ANKRD22: variants seen among roughly 807,000 people sequenced by gnomAD.
ANKRD22 encodes the protein ankyrin repeat domain-containing protein 22.
ANKRD22 carries 24 observed loss-of-function variants against 25.7 expected under a neutral mutation model. That is an observed-to-expected ratio of 0.93 (90% confidence interval 0.68 to 1.31). ANKRD22 has a LOEUF of 1.31. Ranked by LOEUF, ANKRD22 falls within the 50% of genes most tolerant of loss-of-function variation. The pLI is 0.00. For missense variants in ANKRD22, 214 were observed against 227.1 expected (o/e 0.94, Z 0.37); for synonymous variants, 84 against 84.3 (o/e 1.00, Z 0.02).
intron 1 of ANKRD22, among the ~76,000 whole-genome samples, chr10:88,834,746 C>A (rs994029868): frequency 3.3e-5 from 5 of 151,992 alleles, no homozygotes; most frequent in Non-Finnish European, 7.4e-5. Context: ...ATCAGCCTGG[C>A]CAACATGGAG....
intron 1 of ANKRD22, among the ~76,000 whole-genome samples, chr10:88,833,449 A>G (rs185014199): frequency 6.6e-6 from 1 of 152,320 alleles, no homozygotes; most frequent in Non-Finnish European, 1.5e-5. Context: ...GGGAAATAGG[A>G]CAGAGACACA....
At chr10:88,847,158 GT>G (rs761388331) in intron 1 of ANKRD22, among the ~76,000 whole-genome samples, 2 of 152,008 alleles carry the variant, frequency 1.3e-5, no homozygotes, top group East Asian at 1.9e-4. Flanking sequence ...TTTGTGGAAT[GT>G]TTTTTTACAT....
chr10:88,846,926 CA>C (rs1844054405), intron 1 of ANKRD22, among the ~76,000 whole-genome samples: 1 of 152,130 alleles, frequency 6.6e-6, no homozygotes, highest in Non-Finnish European at 1.5e-5. Context: ...GCTTTCTGAT[CA>C]GCAGATGTTT....
chr10:88,842,995 G>C (rs745405790), intron 1 of ANKRD22, among the ~76,000 whole-genome samples: 1 of 151,794 alleles, frequency 6.6e-6, no homozygotes, highest in Non-Finnish European at 1.5e-5. Flanking sequence ...TTTCCTCTCT[G>C]GTCCTTCATT....
At position 88,826,040 on chromosome 10, in the gene ANKRD22, A is replaced by G. The variant is rs753945962; in HGVS notation, c.397T>C (p.Cys133Arg). ...AATGGCTAAAAGTATAAACTTACAC[A>G]ATCTGTAGCATTAACTTCGACGCCA... is the stretch of plus-strand genomic sequence containing the variant. Reference protein sequence around the residue: ...DAGVEVNATDCYGCTALHYAC... With the variant: ...DAGVEVNATDRYGCTALHYAC... The change falls in exon 4 of 6, where the codon TGT becomes CGT. Residue 133 changes from cysteine to arginine, a missense_variant and splice_region_variant. By Grantham distance (180) the Cys-to-Arg change is radical. Coordinates refer to ENST00000371930, the MANE Select transcript of ANKRD22 (RefSeq NM_144590.3). The G allele has an allele frequency of 1.3e-5, 21 of 1,609,028 alleles. No homozygotes were observed. The South Asian group carries it at 2.2e-4, about 17-fold the overall frequency.
intron 1 of ANKRD22, among the ~76,000 whole-genome samples, chr10:88,840,378 T>C (rs1298804229): frequency 1.3e-5 from 2 of 152,210 alleles, no homozygotes; most frequent in Non-Finnish European, 2.9e-5. Flanking sequence ...GAAAAAATAT[T>C]TGTTGTTATT....
intron 2 of ANKRD22, among the ~76,000 whole-genome samples, chr10:88,831,594 C>G (rs1843904060): frequency 6.6e-6 from 1 of 152,062 alleles, no homozygotes; most frequent in Non-Finnish European, 1.5e-5. Flanking sequence ...AATAAGTGAA[C>G]CAGAGGTAAA....
At chr10:88,833,430 T>C (rs1843925297) in intron 1 of ANKRD22, among the ~76,000 whole-genome samples, 1 of 152,148 alleles carries the variant, frequency 6.6e-6, no homozygotes, top group Non-Finnish European at 1.5e-5. Context: ...AAAATGTATC[T>C]GTCAAGTGGG....
Position 88,823,644 on chromosome 10 carries a change from G to T in ANKRD22, c.400-266C>A, listed in dbSNP as rs562733046. ...GGATCGAGACCGTCCTGGCTAACAC[G>T]GTGAAACCCTGTCTCTACTAAAAGA... is the stretch of plus-strand genomic sequence containing the variant. On this transcript the variant is annotated intron_variant, in intron 4 of 5. Transcript: ENST00000371930. 5 of 316,696 alleles carry T rather than the reference G, an allele frequency of 1.6e-5. No individual in the cohort carries two copies. The Admixed American group carries it at 2.3e-4, about 14-fold the overall frequency. 19.6% of individuals were successfully genotyped at this position (316,696 alleles called of 1,614,324 possible). A position where few individuals can be genotyped will look rare whatever the true frequency, so the allele number is the denominator to read the frequency against.
At chr10:88,842,626 A>T (rs954490756) in intron 1 of ANKRD22, among the ~76,000 whole-genome samples, 3 of 152,174 alleles carry the variant, frequency 2.0e-5, no homozygotes, top group Non-Finnish European at 2.9e-5. Flanking sequence ...AGCATTCATC[A>T]CATTCTGTAT....
chr10:88,850,899 G>GGA (rs1002963686), intron 1 of ANKRD22, among the ~76,000 whole-genome samples: 1 of 151,958 alleles, frequency 6.6e-6, no homozygotes, highest in African/African-American at 2.4e-5. Flanking sequence ...TTGTGTCAGA[G>GGA]GAGAGAGAGA....
chr10:88,848,203 C>T (rs981431173), intron 1 of ANKRD22, among the ~76,000 whole-genome samples: 4 of 145,326 alleles, frequency 2.8e-5, no homozygotes, highest in Admixed American at 1.4e-4. Context: ...TGTATATATA[C>T]ATATATATAT....
intron 3 of ANKRD22, among the ~76,000 whole-genome samples, chr10:88,827,639 C>T (rs1018922883): frequency 1.3e-5 from 2 of 152,154 alleles, no homozygotes; most frequent in African/African-American, 2.4e-5. Context: ...TTTCTCTCTC[C>T]TATAAATCCA....
intron 1 of ANKRD22, among the ~76,000 whole-genome samples, chr10:88,848,240 T>C (rs914431038): frequency 4.7e-4 from 71 of 149,658 alleles, no homozygotes; most frequent in African/African-American, 1.6e-3. Flanking sequence ...AACTAGAAGA[T>C]GCCTGAAACA....
rs1442960584 is a variant in ANKRD22 at position 88,843,655 on chromosome 10, A to C, written c.21+7932T>G. On this transcript the variant is annotated intron_variant, in intron 1 of 5. Coordinates refer to ENST00000371930, the MANE Select transcript of ANKRD22 (RefSeq NM_144590.3). ...ATTACTATAAAGTCCAATTAAAATA[A>C]ATTTGACCATTAAAGGCAGGAAAGT... Among the ~76,000 whole-genome samples, 5 of 152,174 alleles carry C rather than the reference A, an allele frequency of 3.3e-5. No homozygotes were observed. The East Asian group carries it at 9.6e-4, about 29-fold the overall frequency.
intron 1 of ANKRD22, among the ~76,000 whole-genome samples, chr10:88,839,732 C>T (rs984266933): frequency 2.0e-5 from 3 of 152,116 alleles, no homozygotes; most frequent in Non-Finnish European, 1.5e-5. Flanking sequence ...TGGATTCATC[C>T]GATCTGGCTG....
chr10:88,829,131 T>C (rs1843882663), intron 2 of ANKRD22, among the ~76,000 whole-genome samples: 1 of 152,238 alleles, frequency 6.6e-6, no homozygotes, highest in Non-Finnish European at 1.5e-5. Flanking sequence ...GAAGAATGCA[T>C]ATAACTCAAT....
chr10:88,825,015 A>T (rs550942992), intron 4 of ANKRD22, among the ~76,000 whole-genome samples: 833 of 81,464 alleles, frequency 0.01, 4 homozygotes, highest in Non-Finnish European at 0.021. Flanking sequence ...TCTCTCTCAC[A>T]CACACACACA....
chr10:88,840,368 G>GA (rs1224942201), intron 1 of ANKRD22, among the ~76,000 whole-genome samples: 1 of 152,186 alleles, frequency 6.6e-6, no homozygotes, highest in East Asian at 1.9e-4. Context: ...TATCACAGCT[G>GA]AAAAAATATT....
Sources: gnomAD v4.1 joint callset for allele counts (sites outside exome capture counted in the v4.1 genomes callset) on GRCh38, gnomAD v4.1.1 for gene constraint, MANE v1.5 for transcripts, NCBI Gene and HGNC (gene_info 2026-07-23, HGNC 2026-07-21) for gene names.